The following PARD3 variants were observed in gnomAD, a reference collection of about 807,000 sequenced individuals.
PARD3 encodes the protein par-3 family cell polarity regulator.
In PARD3, 75 loss-of-function variants were observed where a neutral mutation model predicts 155.4. That is an observed-to-expected ratio of 0.48 (90% CI 0.40 to 0.58). PARD3 has a LOEUF of 0.58. Among genes scored for constraint, PARD3 ranks in the 20% least tolerant of loss-of-function variants. The pLI, the probability that PARD3 is intolerant of heterozygous loss-of-function variation, is 0.00. For missense variants in PARD3, 1,642 were observed against 1,721.7 expected (o/e 0.95, Z 0.82); for synonymous variants, 576 against 610.5 (o/e 0.94, Z 0.83).
At chr10:34,137,838 A>C (rs1947983905) in intron 22 of PARD3, among the ~76,000 whole-genome samples, 1 of 152,172 alleles carries the variant, frequency 6.6e-6, no homozygotes, top group Non-Finnish European at 1.5e-5. Flanking sequence ...GCAAAAAATC[A>C]ATGCTTGTTA....
At chr10:34,309,062 T>A (rs936879961) in intron 20 of PARD3, among the ~76,000 whole-genome samples, 2 of 152,052 alleles carry the variant, frequency 1.3e-5, no homozygotes, top group African/African-American at 4.8e-5. Flanking sequence ...AGAACAGGAT[T>A]TGCTGAGTGG....
At chr10:34,659,401 T>C (rs2093265378) in intron 2 of PARD3, among the ~76,000 whole-genome samples, 1 of 152,200 alleles carries the variant, frequency 6.6e-6, no homozygotes, top group Non-Finnish European at 1.5e-5. Context: ...CACTCAGCTG[T>C]AGTAATTATT....
chr10:34,207,663 T>A (rs941324926), intron 22 of PARD3, among the ~76,000 whole-genome samples: 1 of 152,236 alleles, frequency 6.6e-6, no homozygotes, highest in Admixed American at 6.5e-5. Flanking sequence ...TCACCCTTTT[T>A]ACAAATCCCC....
intron 1 of PARD3, among the ~76,000 whole-genome samples, chr10:34,807,338 G>A (rs7100054): frequency 0.35 from 53,757 of 152,086 alleles, 10,648 homozygotes; most frequent in African/African-American, 0.55. Context: ...AAAATGGAGC[G>A]TTGTTCATAG....
At chr10:34,303,407 T>C (rs1158612008) in intron 20 of PARD3, among the ~76,000 whole-genome samples, 1 of 151,722 alleles carries the variant, frequency 6.6e-6, no homozygotes, top group African/African-American at 2.4e-5. Flanking sequence ...ATTAAACAGA[T>C]GTCATCACTT....
In PARD3 at chr10:34,648,744, G is replaced by A. The variant is rs116064348; in HGVS notation, c.222+47574C>T. Among the ~76,000 whole-genome samples the A allele has an allele frequency of 2.3e-3, 348 of 152,282 alleles. 4 individuals carry two copies. Among genetic ancestry groups the A allele is most frequent in the African/African-American group, 7.8e-3 (326 of 41,550 alleles). ...GGACCAGTACCACACAGTGGTCTGC[G>A]GGTTGGGGACCCCTGATATAAACAA... On this transcript the variant is annotated intron_variant, in intron 2 of 24. Transcript: ENST00000374788.
At chr10:34,193,152 C>T (rs1467502514) in intron 22 of PARD3, among the ~76,000 whole-genome samples, 2 of 152,168 alleles carry the variant, frequency 1.3e-5, no homozygotes, top group African/African-American at 2.4e-5. Context: ...TTACATGCTA[C>T]CTTAATTAGA....
At chr10:34,160,576 T>G (rs965427695) in intron 22 of PARD3, among the ~76,000 whole-genome samples, 1 of 152,244 alleles carries the variant, frequency 6.6e-6, no homozygotes, top group Non-Finnish European at 1.5e-5. Flanking sequence ...TCACACTACA[T>G]TTTACAGACT....
chr10:34,463,492 A>T (rs930418419), intron 4 of PARD3, among the ~76,000 whole-genome samples: 2 of 152,176 alleles, frequency 1.3e-5, no homozygotes, highest in Non-Finnish European at 2.9e-5. Flanking sequence ...ATCTAGAAAG[A>T]TATTTTCAGT....
intron 19 of PARD3, among the ~76,000 whole-genome samples, chr10:34,325,453 T>C (rs74787580): frequency 0.037 from 5,630 of 152,130 alleles, 157 homozygotes; most frequent in Middle Eastern, 0.071. Flanking sequence ...ACTCGGCCAA[T>C]ACCTCTCTTC....
At chr10:34,289,878 A>C (rs2133962822) in intron 20 of PARD3, among the ~76,000 whole-genome samples, 1 of 152,360 alleles carries the variant, frequency 6.6e-6, no homozygotes, top group African/African-American at 2.4e-5. Context: ...TGATGGACAA[A>C]ACCTGAACTG....
intron 1 of PARD3, among the ~76,000 whole-genome samples, chr10:34,753,194 C>A (rs1010821864): frequency 6.6e-6 from 1 of 152,158 alleles, no homozygotes; most frequent in African/African-American, 2.4e-5. Flanking sequence ...TTCATACATG[C>A]CCACATGAGG....
chr10:34,171,386 C>T (rs907884830), intron 22 of PARD3, among the ~76,000 whole-genome samples: 1 of 152,112 alleles, frequency 6.6e-6, no homozygotes, highest in Non-Finnish European at 1.5e-5. Flanking sequence ...ATTGCTAAGA[C>T]GCTGGCTAAT....
intron 2 of PARD3, among the ~76,000 whole-genome samples, chr10:34,610,578 A>G (rs989253964): frequency 2.6e-5 from 4 of 152,216 alleles, no homozygotes; most frequent in African/African-American, 9.6e-5. Context: ...CAGTGTGAGG[A>G]AAATTCTCAG....
chr10:34,656,823 C>T (rs1440866450), intron 2 of PARD3, among the ~76,000 whole-genome samples: 1 of 152,210 alleles, frequency 6.6e-6, no homozygotes, highest in African/African-American at 2.4e-5. Flanking sequence ...GCTGTCCTCA[C>T]TGCTATCTGT....
At chr10:34,400,814 A>AT (rs761473684) in intron 6 of PARD3, among the ~76,000 whole-genome samples, 1 of 145,604 alleles carries the variant, frequency 6.9e-6, no homozygotes, top group Non-Finnish European at 1.5e-5. Flanking sequence ...GGTTAAATGG[A>AT]TTTTTTATTA....
At chr10:34,569,074 C>T (rs2086180909) in intron 2 of PARD3, among the ~76,000 whole-genome samples, 1 of 152,146 alleles carries the variant, frequency 6.6e-6, no homozygotes, top group Non-Finnish European at 1.5e-5. Flanking sequence ...TTTTACAAAT[C>T]TAAGAAATAA....
At chr10:34,279,131 A>G (rs1204603071) in intron 21 of PARD3, among the ~76,000 whole-genome samples, 1 of 129,682 alleles carries the variant, frequency 7.7e-6, no homozygotes, top group Non-Finnish European at 1.6e-5. Flanking sequence ...GTATTCATCT[A>G]TATTTTTTCC....
At chr10:34,253,257 A>C (rs1055317521) in intron 22 of PARD3, among the ~76,000 whole-genome samples, 1 of 152,212 alleles carries the variant, frequency 6.6e-6, no homozygotes, top group Non-Finnish European at 1.5e-5. Context: ...GTTTGTGTCA[A>C]GTAGGTGCGC....
Sources: gnomAD v4.1 joint callset for allele counts (sites outside exome capture counted in the v4.1 genomes callset) on GRCh38, gnomAD v4.1.1 for gene constraint, MANE v1.5 for transcripts, NCBI Gene and HGNC (gene_info 2026-07-23, HGNC 2026-07-21) for gene names.